RSF1: variants seen among roughly 807,000 people sequenced by gnomAD.
The protein encoded by RSF1 is remodeling and spacing factor 1, also known as HBV pX-associated protein 8.
RSF1 carries 13 observed loss-of-function variants against 145.2 expected under a neutral mutation model. The ratio of observed to expected loss-of-function variants is 0.09; its 90% CI spans 0.06 to 0.14. The LOEUF is 0.14. Among genes scored for constraint, RSF1 ranks in the 10% least tolerant of loss-of-function variants. The pLI, the probability that RSF1 is intolerant of heterozygous loss-of-function variation, is 1.00. For missense variants in RSF1, 1,517 were observed against 1,718.2 expected (o/e 0.88, Z 2.07); for synonymous variants, 577 against 592.6 (o/e 0.97, Z 0.38).
At chr11:77,784,250 C>T (rs1448334903) in intron 1 of RSF1, among the ~76,000 whole-genome samples, 1 of 152,166 alleles carries the variant, frequency 6.6e-6, no homozygotes, top group African/African-American at 2.4e-5. Flanking sequence ...TTCAAGTTCA[C>T]TAGTTTGTTC....
At chr11:77,787,609 A>G (rs183336659) in intron 1 of RSF1, among the ~76,000 whole-genome samples, 5 of 152,268 alleles carry the variant, frequency 3.3e-5, no homozygotes, top group Admixed American at 3.3e-4. Context: ...CTTAATATGA[A>G]AAAAATAAAA....
chr11:77,829,495 C>T, the RSF1 span, among the ~76,000 whole-genome samples: 1 of 152,130 alleles, frequency 6.6e-6, no homozygotes, highest in Non-Finnish European at 1.5e-5. Flanking sequence ...CATACCAAGA[C>T]CATCTAATGG....
At chr11:77,709,695 T>TC (rs1960633965) in intron 5 of RSF1, among the ~76,000 whole-genome samples, 1 of 102,078 alleles carries the variant, frequency 9.8e-6, no homozygotes, top group Non-Finnish European at 1.8e-5. Flanking sequence ...GTGCCAATTC[T>TC]TTTTTTTTTA....
intron 1 of RSF1, among the ~76,000 whole-genome samples, chr11:77,786,558 A>G (rs1304012497): frequency 1.3e-5 from 2 of 152,190 alleles, no homozygotes; most frequent in East Asian, 1.9e-4. Flanking sequence ...ATGTTCCATT[A>G]AAGTTTTAGT....
At chr11:77,711,739 AC>A (rs1316492527) in intron 5 of RSF1, among the ~76,000 whole-genome samples, 9 of 152,224 alleles carry the variant, frequency 5.9e-5, no homozygotes, top group African/African-American at 2.2e-4. Flanking sequence ...TTAAGAACTT[AC>A]GTAACTAGAG....
intron 1 of RSF1, among the ~76,000 whole-genome samples, chr11:77,771,644 G>A (rs967712457): frequency 3.9e-5 from 6 of 152,076 alleles, no homozygotes; most frequent in African/African-American, 4.8e-5. Flanking sequence ...TAATCTAGGC[G>A]GCAGGAAGCA....
intron 5 of RSF1, among the ~76,000 whole-genome samples, chr11:77,724,311 A>G (rs1961002881): frequency 6.6e-6 from 1 of 152,198 alleles, no homozygotes; most frequent in Non-Finnish European, 1.5e-5. Flanking sequence ...TGTGGAAAAC[A>G]GTATGTGCTT....
chr11:77,838,811 T>C, the RSF1 span, among the ~76,000 whole-genome samples: 3 of 151,792 alleles, frequency 2.0e-5, no homozygotes, highest in Admixed American at 6.6e-5. Flanking sequence ...AGAGACGGAG[T>C]TTCACCGTGT....
At chr11:77,842,406 A>G in the RSF1 span, 4 of 1,359,476 alleles carry the variant, frequency 2.9e-6, no homozygotes, top group Non-Finnish European at 4.1e-6. Context: ...ATCAGGGCTT[A>G]GTATCACTGT....
At chr11:77,705,049 C>A (rs1011252773) in intron 5 of RSF1, among the ~76,000 whole-genome samples, 6 of 152,086 alleles carry the variant, frequency 3.9e-5, no homozygotes, top group Non-Finnish European at 5.9e-5. Flanking sequence ...CCATGCCTGG[C>A]CGGCTTGGTT....
chr11:77,754,640 G>A (rs1948097870), intron 2 of RSF1, among the ~76,000 whole-genome samples: 1 of 150,208 alleles, frequency 6.7e-6, no homozygotes, highest in Non-Finnish European at 1.5e-5. Flanking sequence ...TGGGGTGGGG[G>A]TGAGGGGGTG....
At chr11:77,772,799 T>A (rs1025846651) in intron 1 of RSF1, among the ~76,000 whole-genome samples, 8 of 142,160 alleles carry the variant, frequency 5.6e-5, no homozygotes, top group Non-Finnish European at 1.0e-4. Flanking sequence ...CACACTCTTT[T>A]CAGACTGGAA....
Position 77,701,055 on chromosome 11 carries a change from G to A in RSF1, c.2174C>T (p.Thr725Ile), listed in dbSNP as rs764396211. ...ETTASENTEI[T>I]SERQKEGIKL... is the part of the protein sequence containing the mutation. ...GATGCCCTCTTTCTGCCTTTCAGAG[G>A]TTATCTCTGTATTTTCTGAGGCAGT... The change falls in exon 6 of 16, where the codon ACC becomes ATC. Residue 725 changes from threonine (T) to isoleucine (I), a missense_variant. By Grantham distance (89) the Thr-to-Ile change is moderately conservative (BLOSUM62 -1). Around this residue, in one of 12 missense-constraint regions of RSF1, gnomAD observed 579 missense variants for 553.5 expected, o/e 1.05. Transcript: ENST00000308488. 3.1e-6 allele frequency: 5 copies of A among 1,613,734 alleles called. No homozygotes were observed. Among genetic ancestry groups the A allele is most frequent in the South Asian group, 2.2e-5 (2 of 91,064 alleles).
At chr11:77,794,641 AT>A (rs1948554028) in intron 1 of RSF1, among the ~76,000 whole-genome samples, 1 of 152,200 alleles carries the variant, frequency 6.6e-6, no homozygotes, top group Non-Finnish European at 1.5e-5. Flanking sequence ...CTTGAAACAA[AT>A]TATCAATCTC....
chr11:77,694,228 G>C lies in RSF1; in HGVS notation c.2716-617C>G, dbSNP rs1470740318. On this transcript the variant is annotated intron_variant, in intron 7 of 15. Transcript: ENST00000308488. Reference sequence around the variant, plus strand: ...ATAACAACATATTCCTTATAACAAAGTTTTAAAGCTCAAGTATCAAAGACT... The same window carrying C: ...ATAACAACATATTCCTTATAACAAACTTTTAAAGCTCAAGTATCAAAGACT... 2.6e-5 allele frequency among the ~76,000 whole-genome samples: 4 copies of C among 152,226 alleles called. No individual in the cohort carries two copies. The East Asian group carries it at 5.8e-4, about 22-fold the overall frequency.
At chr11:77,700,486 T>C (rs1314084271) in intron 6 of RSF1, among the ~76,000 whole-genome samples, 1 of 152,120 alleles carries the variant, frequency 6.6e-6, no homozygotes, top group Non-Finnish European at 1.5e-5. Flanking sequence ...TTGGATATTA[T>C]TTGAATAGTT....
At chr11:77,820,985 C>G (rs765219021), upstream of RSF1, 34 of 517,576 alleles carry the variant, frequency 6.6e-5, no homozygotes, top group African/African-American at 5.2e-4. Context: ...TCGGGCTTGC[C>G]ACTGCCTCGT....
chr11:77,677,142 T>A lies in RSF1; in HGVS notation c.3134-143A>T, dbSNP rs182713404. 166 of 651,002 alleles carry A rather than the reference T, an allele frequency of 2.5e-4. 1 individual carries two copies. In the African/African-American group the frequency reaches 2.7e-3, roughly 11 times the overall value. The allele number at this position is 651,002 out of a possible 1,614,324, so 40.3% of individuals were successfully genotyped here. On this transcript the variant is annotated intron_variant, in intron 12 of 15. Coordinates refer to ENST00000308488, the MANE Select transcript of RSF1 (RefSeq NM_016578.4). ...TTCCAACAAATATGCAGTTTTCTTA[T>A]GACTTCAGCTGACAGAGGTCTCAGA...
At chr11:77,743,291 A>G (rs1422093897) in intron 3 of RSF1, among the ~76,000 whole-genome samples, 1 of 152,200 alleles carries the variant, frequency 6.6e-6, no homozygotes, top group Non-Finnish European at 1.5e-5. Flanking sequence ...GGAATTTGAT[A>G]GGGACTGCGT....
Sources: allele counts gnomAD v4.1 joint callset (sites outside exome capture counted in the v4.1 genomes callset), GRCh38; gene constraint gnomAD v4.1.1; regional missense constraint gnomAD v4.1.1; transcripts MANE v1.5; gene names NCBI Gene and HGNC (gene_info 2026-07-23, HGNC 2026-07-21).